TG: variants seen among roughly 807,000 people sequenced by gnomAD.
The protein encoded by TG is thyroid hormones.
A neutral mutation model predicts 324.7 loss-of-function variants in TG; 270 were observed. The ratio of observed to expected loss-of-function variants is 0.83; its 90% CI spans 0.75 to 0.92. The LOEUF (loss-of-function observed/expected upper bound fraction) is 0.92, where lower values mean the gene tolerates loss of function less well. TG is among the 40% of genes least tolerant of loss of function. TG has a pLI of 0.00. For missense variants in TG, 3,591 were observed against 3,456.4 expected (o/e 1.04, Z -0.98); for synonymous variants, 1,401 against 1,327.0 (o/e 1.06, Z -1.21).
At chr8:133,096,165 G>A in intron 42 of TG, 41 bp from the exon 43 acceptor site, 1 of 1,611,966 alleles carries the variant, frequency 6.2e-7, no homozygotes, top group Non-Finnish European at 8.5e-7. Flanking sequence ...CAGTGCAACT[G>A]ATTATTCCAG....
At chr8:132,954,808 G>C (rs1826610053) in intron 27 of TG, among the ~76,000 whole-genome samples, 1 of 152,196 alleles carries the variant, frequency 6.6e-6, no homozygotes, top group Non-Finnish European at 1.5e-5. Flanking sequence ...ACTTCCTCAA[G>C]GTTATTCAGC....
intron 16 of TG, among the ~76,000 whole-genome samples, chr8:132,902,787 G>A (rs1472566629): frequency 1.3e-5 from 2 of 152,164 alleles, no homozygotes; most frequent in Admixed American, 6.5e-5. Flanking sequence ...CCTCCTCCAG[G>A]AACAGGTCTG....
intron 41 of TG, among the ~76,000 whole-genome samples, chr8:133,061,428 TAC>T (rs1842355787): frequency 6.6e-6 from 1 of 151,954 alleles, no homozygotes; most frequent in Admixed American, 6.6e-5. Flanking sequence ...TGGCATAGAA[TAC>T]ATGTTAGTTA....
chr8:133,131,502 G>A (rs1851944832), intron 45 of TG, among the ~76,000 whole-genome samples: 1 of 152,192 alleles, frequency 6.6e-6, no homozygotes, highest in South Asian at 2.1e-4. Context: ...AAGTATCGTG[G>A]TTAGAATATG....
chr8:133,024,567 G>A lies in TG; in HGVS notation c.7036+2417G>A, dbSNP rs566309711. On this transcript the variant is annotated intron_variant, in intron 40 of 47. Transcript: ENST00000220616. ...AATGCTCTCCCTCCCCTTGCCCCCCGCCCCCCAACAGGCCGTGGTGTGTGT... is the reference window on the plus strand; with the variant it reads ...AATGCTCTCCCTCCCCTTGCCCCCCACCCCCCAACAGGCCGTGGTGTGTGT... 3.5e-4 allele frequency among the ~76,000 whole-genome samples: 44 copies of A among 126,424 alleles called. 1 individual carries two copies. Among genetic ancestry groups the A allele is most frequent in the African/African-American group, 5.9e-4 (18 of 30,328 alleles). The allele number at this position is 126,424 out of a possible 152,430, so 82.9% of individuals were successfully genotyped here.
chr8:133,116,951 G>GTTATTAAT (rs1588132544), intron 45 of TG, among the ~76,000 whole-genome samples: 1 of 152,140 alleles, frequency 6.6e-6, no homozygotes, highest in East Asian at 1.9e-4. Context: ...TGCAATGTTA[G>GTTATTAAT]TTATTAATTG....
Position 133,113,521 on chromosome 8 carries a change from G to A in TG, c.7672G>A (p.Ala2558Thr). ...GGEDSDARVEAAATWYYSLEH... is the reference protein window; with the variant it reads ...GGEDSDARVETAATWYYSLEH... ...CGAGGACTCAGATGCCCGCGTCGAG[G>A]CTGCTGCTACATGGTATTACTCTCT... The change falls in exon 44 of 48, where the codon GCT (alanine) becomes ACT (threonine). Residue 2558 changes from alanine to threonine, a missense_variant. Coordinates refer to ENST00000220616, the MANE Select transcript of TG (RefSeq NM_003235.5). 3 of 1,614,080 alleles carry A rather than the reference G, an allele frequency of 1.9e-6. No homozygotes were observed. Among genetic ancestry groups the A allele is most frequent in the Non-Finnish European group, 2.5e-6 (3 of 1,180,016 alleles).
At chr8:132,879,655 G>C (rs952441386) in intron 5 of TG, among the ~76,000 whole-genome samples, 5 of 152,238 alleles carry the variant, frequency 3.3e-5, no homozygotes, top group African/African-American at 1.2e-4. Context: ...AGAGAGCCCA[G>C]AAGGCAGTAA....
At chr8:132,896,508 C>A (rs1398973844) in intron 11 of TG, among the ~76,000 whole-genome samples, 3 of 152,182 alleles carry the variant, frequency 2.0e-5, no homozygotes, top group Admixed American at 6.5e-5. Flanking sequence ...GTTCTCCCTC[C>A]AGGATCCTGG....
At position 133,074,840 on chromosome 8, in the gene TG, A is replaced by T. The variant is rs2741212; in HGVS notation, c.7240-20204A>T. On this transcript the variant is annotated intron_variant, in intron 41 of 47. Coordinates refer to ENST00000220616, the MANE Select transcript of TG (RefSeq NM_003235.5). ...TCTCCCCACCCCATCTCTGCCACAT[A>T]CTCCCAAAATACCTTCACACACTGG... is the stretch of plus-strand genomic sequence containing the variant. 1,814 of 985,048 alleles carry T rather than the reference A, an allele frequency of 1.8e-3. 33 individuals carry two copies. The African/African-American group carries it at 0.029, about 16-fold the overall frequency. 61.0% of individuals were successfully genotyped at this position (985,048 alleles called of 1,614,324 possible).
chr8:132,995,628 G>T, intron 35 of TG: 11 of 626,908 alleles, frequency 1.8e-5, no homozygotes, highest in Non-Finnish European at 2.2e-5. Flanking sequence ...GCTCTTAGGA[G>T]ACCCAATTCT....
At chr8:133,019,191 T>C (rs1489954765) in intron 38 of TG, among the ~76,000 whole-genome samples, 2 of 152,054 alleles carry the variant, frequency 1.3e-5, no homozygotes, top group Non-Finnish European at 2.9e-5. Flanking sequence ...ATACTGGGAG[T>C]TGCTCAAACC....
At chr8:133,083,227 G>C (rs1846019016) in intron 41 of TG, among the ~76,000 whole-genome samples, 1 of 152,218 alleles carries the variant, frequency 6.6e-6, no homozygotes, top group East Asian at 1.9e-4. Flanking sequence ...TTTATAACCT[G>C]TAAAACACTA....
intron 41 of TG, among the ~76,000 whole-genome samples, chr8:133,057,767 CAAAAAACAAAAAAA>C (rs953632129): frequency 1.4e-4 from 13 of 91,682 alleles, no homozygotes; most frequent in Non-Finnish European, 2.2e-4. Flanking sequence ...TTTAGCAAAA[CAAAAAACAAAAAAA>C]AAAAAACAAA....
intron 4 of TG, among the ~76,000 whole-genome samples, chr8:132,872,132 CTAAG>C (rs1239988126): frequency 6.6e-6 from 1 of 151,924 alleles, no homozygotes; most frequent in African/African-American, 2.4e-5. Context: ...CTGTTTTAAG[CTAAG>C]TGTTATCATA....
At chr8:133,054,686 A>G (rs1841035201) in intron 41 of TG, among the ~76,000 whole-genome samples, 2 of 152,242 alleles carry the variant, frequency 1.3e-5, no homozygotes, top group African/African-American at 4.8e-5. Flanking sequence ...AATGAACTCC[A>G]CTTGGTGAGA....
At chr8:133,016,497 A>T (rs10956688) in intron 37 of TG, among the ~76,000 whole-genome samples, 32,326 of 152,136 alleles carry the variant, frequency 0.21, 3,903 homozygotes, top group African/African-American at 0.31. Context: ...TGCGGAGTAG[A>T]TGGACTTCTG....
chr8:132,940,449 G>A (rs994709744), intron 25 of TG, among the ~76,000 whole-genome samples: 1 of 152,200 alleles, frequency 6.6e-6, no homozygotes, highest in Admixed American at 6.5e-5. Context: ...TTAGGGACGG[G>A]AAACCCAAAC....
chr8:133,056,442 A>G (rs1174685675), intron 41 of TG, among the ~76,000 whole-genome samples: 1 of 152,208 alleles, frequency 6.6e-6, no homozygotes, highest in Non-Finnish European at 1.5e-5. Context: ...GGCCAGGCAC[A>G]TTCTCATTCA....
Sources: allele counts gnomAD v4.1 joint callset (sites outside exome capture counted in the v4.1 genomes callset), GRCh38; gene constraint gnomAD v4.1.1; transcripts MANE v1.5; gene names NCBI Gene and HGNC (gene_info 2026-07-23, HGNC 2026-07-21).